The following NGEF variants were observed in gnomAD, a reference collection of about 807,000 sequenced individuals.
NGEF encodes the protein neuronal guanine nucleotide exchange factor, also known as ephexin-1.
A neutral mutation model predicts 80.9 loss-of-function variants in NGEF; 31 were observed. That is an observed-to-expected ratio of 0.38 (90% confidence interval 0.29 to 0.52). NGEF has a LOEUF of 0.52. Among genes scored for constraint, NGEF ranks in the 20% least tolerant of loss-of-function variants. The pLI, the probability that NGEF is intolerant of heterozygous loss-of-function variation, is 0.84. For synonymous variants in NGEF, 371 were observed against 370.2 expected (o/e 1.00, Z -0.03); for missense variants, 709 against 926.2 (o/e 0.77, Z 3.04).
chr2:232,963,529 C>T (rs1232500714), intron 3 of NGEF, among the ~76,000 whole-genome samples: 1 of 151,904 alleles, frequency 6.6e-6, no homozygotes, highest in Non-Finnish European at 1.5e-5. Flanking sequence ...AGACAAGAAA[C>T]TTGGCTGGGC....
At chr2:232,974,503 A>T (rs1694250668) in intron 2 of NGEF, 120 bp downstream of exon 2, 3 of 1,207,282 alleles carry the variant, frequency 2.5e-6, no homozygotes, top group African/African-American at 3.1e-5. Context: ...TACCCTGTTG[A>T]AACTGTCCTT....
intron 1 of NGEF, among the ~76,000 whole-genome samples, chr2:232,996,865 A>G (rs1050588856): frequency 1.3e-5 from 2 of 152,172 alleles, no homozygotes; most frequent in Admixed American, 6.5e-5. Flanking sequence ...GCCCATGTTA[A>G]GTGTACAGAT....
intron 3 of NGEF, among the ~76,000 whole-genome samples, chr2:232,946,174 A>T: frequency 6.6e-6 from 1 of 152,084 alleles, no homozygotes; most frequent in East Asian, 1.9e-4. Context: ...TAAGTGAAGT[A>T]ACTCAGGAAT....
At chr2:232,934,621 A>G (rs1316381561) in intron 3 of NGEF, among the ~76,000 whole-genome samples, 2 of 152,322 alleles carry the variant, frequency 1.3e-5, no homozygotes, top group East Asian at 1.9e-4. Context: ...TTTAACTGAC[A>G]TTTTGTTCTG....
chr2:232,907,977 G>A (rs1692607417), intron 5 of NGEF, among the ~76,000 whole-genome samples: 1 of 152,030 alleles, frequency 6.6e-6, no homozygotes, highest in Non-Finnish European at 1.5e-5. Context: ...AGGTGTTGTG[G>A]TGGGTGCTTG....
chr2:232,910,308 G>C (rs1014857602), intron 5 of NGEF, among the ~76,000 whole-genome samples: 1 of 152,106 alleles, frequency 6.6e-6, no homozygotes, highest in Non-Finnish European at 1.5e-5. Flanking sequence ...TGCAATTAGA[G>C]TCTCACAAGG....
chr2:232,983,924 C>T (rs1462153084), intron 1 of NGEF, among the ~76,000 whole-genome samples: 1 of 152,200 alleles, frequency 6.6e-6, no homozygotes, highest in East Asian at 1.9e-4. Flanking sequence ...CACCCCAGGG[C>T]TACCTCTTCT....
intron 3 of NGEF, among the ~76,000 whole-genome samples, chr2:232,945,975 C>T (rs1693548253): frequency 6.6e-6 from 1 of 151,410 alleles, no homozygotes; most frequent in South Asian, 2.1e-4. Context: ...AAATGCCCAT[C>T]AATCAACTAG....
At chr2:232,928,806 A>C (rs1693154789) in intron 3 of NGEF, among the ~76,000 whole-genome samples, 1 of 152,134 alleles carries the variant, frequency 6.6e-6, no homozygotes, top group Non-Finnish European at 1.5e-5. Flanking sequence ...AAGTGCCCGA[A>C]ACCTCTCCTG....
At chr2:232,967,709 GTGTGT>G (rs1559228141) in intron 3 of NGEF, among the ~76,000 whole-genome samples, 6 of 80,280 alleles carry the variant, frequency 7.5e-5, no homozygotes, top group African/African-American at 2.7e-4. Flanking sequence ...AAATAGGGGT[GTGTGT>G]GTGTGTGTGT....
At chr2:233,005,562 A>G (rs1695068203) in intron 1 of NGEF, among the ~76,000 whole-genome samples, 2 of 151,086 alleles carry the variant, frequency 1.3e-5, no homozygotes, top group Admixed American at 6.6e-5. Context: ...TATATTCACA[A>G]GGCTCCTTAT....
chr2:232,940,147 G>T (rs949048506), intron 3 of NGEF, among the ~76,000 whole-genome samples: 1 of 152,092 alleles, frequency 6.6e-6, no homozygotes, highest in African/African-American at 2.4e-5. Context: ...GACGGAATTC[G>T]TTTCTTCCCA....
chr2:232,901,390 C>T (rs747918053), intron 5 of NGEF: 46 of 985,354 alleles, frequency 4.7e-5, no homozygotes, highest in African/African-American at 3.3e-4. Context: ...ATCCAGGGTT[C>T]GCCGTGGACC....
intron 4 of NGEF, among the ~76,000 whole-genome samples, chr2:232,920,787 A>G (rs1692926729): frequency 6.6e-6 from 1 of 152,140 alleles, no homozygotes; most frequent in Non-Finnish European, 1.5e-5. Context: ...CTTGGGAAAG[A>G]CCAGCATGCT....
intron 1 of NGEF, among the ~76,000 whole-genome samples, chr2:232,983,195 G>A (rs1331849747): frequency 6.6e-6 from 1 of 151,888 alleles, no homozygotes; most frequent in Admixed American, 6.6e-5. Flanking sequence ...AGTGGGGAGG[G>A]GCAGTAACAG....
chr2:232,931,438 GACAA>G, intron 3 of NGEF, among the ~76,000 whole-genome samples: 1 of 152,304 alleles, frequency 6.6e-6, no homozygotes, highest in East Asian at 1.9e-4. Context: ...GGTTCTTCCT[GACAA>G]ACATAGTAAA....
At chr2:232,999,115 C>T (rs867330876) in intron 1 of NGEF, among the ~76,000 whole-genome samples, 2 of 152,194 alleles carry the variant, frequency 1.3e-5, no homozygotes, top group Non-Finnish European at 2.9e-5. Context: ...CTTCTGGAAG[C>T]TTCCCACATC....
intron 3 of NGEF, among the ~76,000 whole-genome samples, chr2:232,966,216 G>A (rs1172310115): frequency 2.0e-5 from 3 of 152,034 alleles, no homozygotes; most frequent in African/African-American, 7.2e-5. Flanking sequence ...GCCCTGTGGG[G>A]GTCCTTAGAC....
chr2:233,008,829 T>A (rs1316055792), intron 1 of NGEF, among the ~76,000 whole-genome samples: 2 of 151,522 alleles, frequency 1.3e-5, no homozygotes, highest in Non-Finnish European at 2.9e-5. Context: ...TGAGACGGAG[T>A]CTTGCTCTGT....
Sources: gnomAD v4.1 joint callset for allele counts (sites outside exome capture counted in the v4.1 genomes callset) on GRCh38, gnomAD v4.1.1 for gene constraint, MANE v1.5 for transcripts, NCBI Gene and HGNC (gene_info 2026-07-23, HGNC 2026-07-21) for gene names.